The following TOX2 variants were observed in gnomAD, a reference collection of about 807,000 sequenced individuals.
TOX2 encodes the protein granulosa cell HMG box 1.
Under a neutral mutation model 47.4 loss-of-function variants are expected in TOX2, and 15 were observed. The observed-to-expected ratio is 0.32, with a 90% CI of 0.21 to 0.49. The LOEUF is 0.49. Ranked by LOEUF, TOX2 falls within the 20% of genes least tolerant of loss-of-function variation. TOX2 has a pLI of 0.99. For missense variants in TOX2, 622 were observed against 673.1 expected (o/e 0.92, Z 0.84); for synonymous variants, 290 against 296.6 (o/e 0.98, Z 0.23).
At chr20:43,959,097 C>G (rs2069715807) in intron 1 of TOX2, among the ~76,000 whole-genome samples, 1 of 152,194 alleles carries the variant, frequency 6.6e-6, no homozygotes, top group African/African-American at 2.4e-5. Context: ...TGGCTCTCTG[C>G]CTGGGAAGGC....
intron 4 of TOX2, among the ~76,000 whole-genome samples, chr20:44,052,563 C>T (rs756008950): frequency 6.6e-6 from 1 of 152,162 alleles, no homozygotes; most frequent in Non-Finnish European, 1.5e-5. Flanking sequence ...AAGGATGACT[C>T]GACCTCTATT....
At chr20:43,921,015 A>G (rs1358406189) in intron 1 of TOX2, among the ~76,000 whole-genome samples, 1 of 152,210 alleles carries the variant, frequency 6.6e-6, no homozygotes, top group Non-Finnish European at 1.5e-5. Context: ...TGGCAGTTGT[A>G]ACCTGTGGCT....
intron 2 of TOX2, among the ~76,000 whole-genome samples, chr20:43,990,607 T>G (rs1159601170): frequency 6.6e-6 from 1 of 152,074 alleles, no homozygotes; most frequent in African/African-American, 2.4e-5. Context: ...AATGCAGTGT[T>G]TGGGGGCTAC....
intron 3 of TOX2, among the ~76,000 whole-genome samples, chr20:44,013,832 G>A (rs1466629216): frequency 6.6e-6 from 1 of 152,102 alleles, no homozygotes; most frequent in Non-Finnish European, 1.5e-5. Context: ...ATCTCGTGAT[G>A]AGAGGTGTAT....
Position 44,065,984 on chromosome 20 carries a change from C to G in TOX2, c.1233C>G (p.His411Gln), listed in dbSNP as rs200781086. 1.2e-6 allele frequency: 2 copies of G among 1,613,150 alleles called. No individual in the cohort carries two copies. The highest frequency in any genetic ancestry group is 2.2e-5 in the South Asian group (2 of 91,012). The change falls in exon 7 of 9, where the codon CAC becomes CAG. Residue 411 changes from histidine to glutamine, a missense_variant. This residue lies in a region of TOX2 where 294 missense variants were observed against 300.0 expected (regional missense o/e 0.98). Coordinates refer to ENST00000341197, the MANE Select transcript of TOX2 (RefSeq NM_001098797.2). ...TLHQQLSLPP[H>Q]AQGALLSPPV... is the part of the protein sequence containing the mutation. ...ACCAGCAGCTGTCACTGCCCCCTCA[C>G]GCCCAGGGCGCCCTCCTCAGTCCAC... is the stretch of plus-strand genomic sequence containing the variant.
At chr20:44,039,065 G>A in intron 3 of TOX2, 1 of 1,275,700 alleles carries the variant, frequency 7.8e-7, no homozygotes, top group Non-Finnish European at 1.0e-6. Flanking sequence ...ATGAGTGCCG[G>A]CTGCCTGCCC....
At chr20:43,996,423 CT>C (rs1404794246) in intron 2 of TOX2, among the ~76,000 whole-genome samples, 2 of 152,212 alleles carry the variant, frequency 1.3e-5, no homozygotes, top group African/African-American at 4.8e-5. Context: ...TGGAGCAGGC[CT>C]GCCCTGGCCT....
intron 1 of TOX2, among the ~76,000 whole-genome samples, chr20:43,929,974 C>A (rs1007529290): frequency 6.6e-6 from 1 of 152,206 alleles, no homozygotes; most frequent in South Asian, 2.1e-4. Context: ...TCCCGAAGCG[C>A]TGGGATTACA....
intron 1 of TOX2, among the ~76,000 whole-genome samples, chr20:43,937,760 T>G (rs2145338795): frequency 6.6e-6 from 1 of 152,294 alleles, no homozygotes; most frequent in South Asian, 2.1e-4. Context: ...CATGCGGATC[T>G]GCCTGCCCAG....
chr20:43,976,792 A>ACGCG (rs2070087085), intron 2 of TOX2, among the ~76,000 whole-genome samples: 1 of 149,696 alleles, frequency 6.7e-6, no homozygotes, highest in Non-Finnish European at 1.5e-5. Context: ...GCACACACAC[A>ACGCG]CACACACACA....
At chr20:43,983,586 GCT>G (rs927528374) in intron 2 of TOX2, among the ~76,000 whole-genome samples, 3 of 152,226 alleles carry the variant, frequency 2.0e-5, no homozygotes, top group African/African-American at 7.2e-5. Flanking sequence ...AGAGCCAGGA[GCT>G]CTGAGTTCGA....
At chr20:43,964,762 G>A (rs551117212) in intron 1 of TOX2, among the ~76,000 whole-genome samples, 2 of 152,158 alleles carry the variant, frequency 1.3e-5, no homozygotes, top group Non-Finnish European at 2.9e-5. Flanking sequence ...GAAGCCTTGG[G>A]ATTTCTAGGG....
At chr20:44,023,646 T>C (rs985443054) in intron 3 of TOX2, among the ~76,000 whole-genome samples, 7 of 152,222 alleles carry the variant, frequency 4.6e-5, no homozygotes, top group Admixed American at 4.6e-4. Context: ...AGACACTGAC[T>C]GGGCGTGACC....
At chr20:43,991,273 G>T (rs1379625867) in intron 2 of TOX2, among the ~76,000 whole-genome samples, 1 of 144,880 alleles carries the variant, frequency 6.9e-6, no homozygotes, top group Non-Finnish European at 1.5e-5. Flanking sequence ...GCGTCACTGA[G>T]CGGGCTGCTT....
intron 3 of TOX2, among the ~76,000 whole-genome samples, chr20:44,011,081 C>T (rs1424209382): frequency 6.6e-6 from 1 of 152,190 alleles, no homozygotes; most frequent in Non-Finnish European, 1.5e-5. Flanking sequence ...GCAAAACTCC[C>T]TTTGCCCCTC....
intron 8 of TOX2, among the ~76,000 whole-genome samples, chr20:44,067,167 A>G (rs2071838893): frequency 6.6e-6 from 1 of 151,940 alleles, no homozygotes; most frequent in African/African-American, 2.4e-5. Flanking sequence ...ATCTTAGGCC[A>G]GTTCCCTAGA....
chr20:44,031,705 A>G (rs1015381646), intron 3 of TOX2, among the ~76,000 whole-genome samples: 1 of 152,134 alleles, frequency 6.6e-6, no homozygotes, highest in Non-Finnish European at 1.5e-5. Context: ...ACCATAGGCC[A>G]GGAAAATGAA....
At chr20:43,975,106 A>G (rs1341689506) in intron 2 of TOX2, among the ~76,000 whole-genome samples, 2 of 152,176 alleles carry the variant, frequency 1.3e-5, no homozygotes, top group Admixed American at 6.5e-5. Context: ...CAATGTTTAA[A>G]TAGTATTTTT....
At chr20:43,973,314 C>T in intron 1 of TOX2, 53 bp from the exon 2 acceptor site, 1 of 1,575,624 alleles carries the variant, frequency 6.3e-7, no homozygotes, top group Non-Finnish European at 8.7e-7. Context: ...TCTCCTGGTG[C>T]CTTCCTGAGA....
Sources: gnomAD v4.1 joint callset for allele counts (sites outside exome capture counted in the v4.1 genomes callset) on GRCh38, gnomAD v4.1.1 for gene constraint, gnomAD v4.1.1 regional missense constraint, MANE v1.5 for transcripts, NCBI Gene and HGNC (gene_info 2026-07-23, HGNC 2026-07-21) for gene names.